Variants in DTNBP1 observed in about 807,000 individuals in gnomAD.
The protein encoded by DTNBP1 is dystrobrevin binding protein 1.
Under a neutral mutation model 42.8 loss-of-function variants are expected in DTNBP1, and 35 were observed. The observed-to-expected ratio is 0.82, with a 90% CI of 0.63 to 1.09. The LOEUF (loss-of-function observed/expected upper bound fraction) is 1.09, where lower values mean the gene tolerates loss of function less well. Among genes scored for constraint, DTNBP1 ranks in the 50% least tolerant of loss-of-function variants. DTNBP1 has a pLI of 0.00. For missense variants in DTNBP1, 457 were observed against 424.2 expected (o/e 1.08, Z -0.68); for synonymous variants, 171 against 162.2 (o/e 1.05, Z -0.41).
chr6:15,532,515 G>A (rs1222587993), intron 8 of DTNBP1, among the ~76,000 whole-genome samples: 2 of 152,046 alleles, frequency 1.3e-5, no homozygotes, highest in Non-Finnish European at 2.9e-5. Context: ...TAGAGACAAA[G>A]CCATATATAT....
chr6:15,612,957 AC>A (rs1383625111), intron 6 of DTNBP1, among the ~76,000 whole-genome samples: 3 of 151,968 alleles, frequency 2.0e-5, no homozygotes, highest in African/African-American at 4.8e-5. Context: ...CTTTTCCCAC[AC>A]CCACATATCA....
chr6:15,522,884 A>G lies in DTNBP1; in HGVS notation c.*91T>C. 1.2e-6 allele frequency: 2 copies of G among 1,606,782 alleles called. No individual in the cohort carries two copies. The highest frequency in any genetic ancestry group is 1.1e-5 in the South Asian group (1 of 90,328). Reference sequence around the variant, plus strand: ...ATTGGCAATTATGTAAAAATCAAGAACCTCTATAAAACAACCTGGCTTTCC... The same window carrying G: ...ATTGGCAATTATGTAAAAATCAAGAGCCTCTATAAAACAACCTGGCTTTCC... On this transcript the variant is annotated 3_prime_UTR_variant, in exon 10 of 10. Transcript: ENST00000344537.
At position 15,630,571 on chromosome 6, in the gene DTNBP1, A is replaced by AT. The variant is rs543832586; in HGVS notation, c.223-3097dup. On this transcript the variant is annotated intron_variant, in intron 4 of 9. Coordinates refer to ENST00000344537, the MANE Select transcript of DTNBP1 (RefSeq NM_032122.5). ...GCCCTAAGTATTAACTATTTATGGT[A>AT]TTTTTTTAATACACTGCTAAAGGAG... Among the ~76,000 whole-genome samples, 188 of 152,270 alleles carry AT rather than the reference A, an allele frequency of 1.2e-3. 2 individuals are homozygous for AT. Among genetic ancestry groups the AT allele is most frequent in the Middle Eastern group, 3.4e-3 (1 of 294 alleles).
At chr6:15,557,429 T>C (rs992201689) in intron 7 of DTNBP1, among the ~76,000 whole-genome samples, 5 of 152,158 alleles carry the variant, frequency 3.3e-5, no homozygotes, top group African/African-American at 4.8e-5. Context: ...TTACATAAAT[T>C]GAATATTGAA....
At chr6:15,601,387 C>T (rs1397716513) in intron 6 of DTNBP1, among the ~76,000 whole-genome samples, 1 of 151,854 alleles carries the variant, frequency 6.6e-6, no homozygotes, top group Non-Finnish European at 1.5e-5. Context: ...TTTAACTTTC[C>T]CCAAACTAGT....
chr6:15,565,502 A>G (rs1775031871), intron 7 of DTNBP1, among the ~76,000 whole-genome samples: 1 of 152,250 alleles, frequency 6.6e-6, no homozygotes, highest in Non-Finnish European at 1.5e-5. Flanking sequence ...CAGAAATAAA[A>G]AACAATGAAG....
Position 15,637,775 on chromosome 6 carries a change from C to T in DTNBP1, c.191G>A (p.Arg64Lys). The stretch of plus-strand genomic sequence containing the variant: ...AGCACTTGCACAGTCTTTGGCTCTT[C>T]TGTGAAGTGCAGCCCATGTATCCTC... Reference protein sequence around the residue: ...RYEDTWAALHRRAKDCASAGE... With the variant: ...RYEDTWAALHKRAKDCASAGE... Residue 64 changes from arginine to lysine, a missense_variant, in exon 4 of 10, where the codon AGA (arginine) becomes AAA (lysine). By Grantham distance (26) the Arg-to-Lys change is conservative (BLOSUM62 2). Coordinates refer to ENST00000344537, the MANE Select transcript of DTNBP1 (RefSeq NM_032122.5). 6.2e-7 allele frequency: 1 copy of T among 1,613,706 alleles called. No homozygotes were observed. Among genetic ancestry groups the T allele is most frequent in the Admixed American group, 1.7e-5 (1 of 60,026 alleles).
intron 4 of DTNBP1, among the ~76,000 whole-genome samples, chr6:15,633,524 G>A (rs1034053492): frequency 8.5e-5 from 13 of 152,304 alleles, no homozygotes; most frequent in South Asian, 2.1e-4. Context: ...AAGAGAACTC[G>A]AATTAGAAGT....
At chr6:15,607,863 T>C (rs1758166264) in intron 6 of DTNBP1, among the ~76,000 whole-genome samples, 1 of 152,194 alleles carries the variant, frequency 6.6e-6, no homozygotes, top group South Asian at 2.1e-4. Context: ...GGAGATGTAT[T>C]TATAGTGAAG....
intron 6 of DTNBP1, among the ~76,000 whole-genome samples, chr6:15,599,795 A>C (rs1776656027): frequency 6.6e-6 from 1 of 152,186 alleles, no homozygotes; most frequent in African/African-American, 2.4e-5. Flanking sequence ...TTGGCTAAAA[A>C]TCTTTATTAC....
In DTNBP1 at chr6:15,534,094, G is replaced by A. The variant is rs138651534; in HGVS notation, c.512-699C>T. On this transcript the variant is annotated intron_variant, in intron 7 of 9. Transcript: ENST00000344537. ...TCCAGCCAGTCGCGAAAAGGCAAATGCTGTGTGCTTCCACTCATATGAGGT... is the reference window on the plus strand; with the variant it reads ...TCCAGCCAGTCGCGAAAAGGCAAATACTGTGTGCTTCCACTCATATGAGGT... 2.1e-3 allele frequency among the ~76,000 whole-genome samples: 316 copies of A among 152,332 alleles called. 1 individual carries two copies. Among genetic ancestry groups the A allele is most frequent in the Middle Eastern group, 6.8e-3 (2 of 294 alleles).
intron 7 of DTNBP1, among the ~76,000 whole-genome samples, chr6:15,560,914 C>G (rs1381727954): frequency 6.6e-6 from 1 of 152,216 alleles, no homozygotes; most frequent in African/African-American, 2.4e-5. Flanking sequence ...AGAGCCTATA[C>G]AGCAAAAATT....
intron 6 of DTNBP1, among the ~76,000 whole-genome samples, chr6:15,602,408 GCT>G (rs1776766501): frequency 6.6e-6 from 1 of 152,138 alleles, no homozygotes; most frequent in Admixed American, 6.5e-5. Flanking sequence ...GCCTGTCCCA[GCT>G]CTCATATCCG....
At chr6:15,535,377 T>G (rs1773164088) in intron 7 of DTNBP1, among the ~76,000 whole-genome samples, 1 of 152,134 alleles carries the variant, frequency 6.6e-6, no homozygotes, top group Non-Finnish European at 1.5e-5. Flanking sequence ...GTGACAGTGG[T>G]GCGATCTCAG....
At chr6:15,538,048 G>A (rs1261066079) in intron 7 of DTNBP1, among the ~76,000 whole-genome samples, 1 of 152,152 alleles carries the variant, frequency 6.6e-6, no homozygotes, top group Non-Finnish European at 1.5e-5. Flanking sequence ...TCCTGAGGTG[G>A]CTCTGAGACC....
At chr6:15,660,598 G>C (rs752368108) in intron 1 of DTNBP1, 220 of 1,263,666 alleles carry the variant, frequency 1.7e-4, no homozygotes, top group Non-Finnish European at 2.2e-4. Context: ...CCCAGACTAC[G>C]GCATCTTTAA....
At chr6:15,523,844 G>T in intron 9 of DTNBP1, 2 of 1,287,190 alleles carry the variant, frequency 1.6e-6, no homozygotes, top group Non-Finnish European at 2.0e-6. Flanking sequence ...CAGGAGAAGC[G>T]GGTGAGAAGT....
At chr6:15,573,097 T>C (rs1463432392) in intron 7 of DTNBP1, among the ~76,000 whole-genome samples, 1 of 152,230 alleles carries the variant, frequency 6.6e-6, no homozygotes, top group African/African-American at 2.4e-5. Flanking sequence ...TAATCTAAAA[T>C]ACATGGTTTA....
At chr6:15,551,988 C>T (rs185252196) in intron 7 of DTNBP1, among the ~76,000 whole-genome samples, 4 of 152,210 alleles carry the variant, frequency 2.6e-5, no homozygotes, top group South Asian at 2.1e-4. Context: ...GCACAGCTGA[C>T]GGGAAACACC....
Sources: gnomAD v4.1 joint callset for allele counts (sites outside exome capture counted in the v4.1 genomes callset) on GRCh38, gnomAD v4.1.1 for gene constraint, MANE v1.5 for transcripts, NCBI Gene and HGNC (gene_info 2026-07-23, HGNC 2026-07-21) for gene names.